The following IGSF3 variants were observed in gnomAD, a reference collection of about 807,000 sequenced individuals.
IGSF3 encodes glu-Trp-Ile EWI motif-containing protein 3.
In IGSF3, 23 loss-of-function variants were observed where a neutral mutation model predicts 114.4. That is an observed-to-expected ratio of 0.20 (90% CI 0.14 to 0.28). The LOEUF is 0.28. Among genes scored for constraint, IGSF3 ranks in the 10% least tolerant of loss-of-function variants. The probability of loss-of-function intolerance (pLI) is 1.00; values close to 1 mark genes in which losing one functional copy is unlikely to be tolerated. For synonymous variants in IGSF3, 571 were observed against 645.2 expected (o/e 0.88, Z 1.74); for missense variants, 1,172 against 1,591.5 (o/e 0.74, Z 4.48).
intron 2 of IGSF3, 21 bp downstream of exon 2, chr1:116,666,263 C>T (rs1240813656): frequency 2.5e-6 from 4 of 1,611,520 alleles, no homozygotes; most frequent in Non-Finnish European, 3.4e-6. Context: ...ATCGATTGCA[C>T]TGATAAGCAG....
At position 116,638,936 on chromosome 1, in the gene IGSF3, C is replaced by T. The variant is rs1647955736; in HGVS notation, c.44-22479G>A. On this transcript the variant is annotated intron_variant, in intron 2 of 10. Coordinates refer to ENST00000369486, the MANE Select transcript of IGSF3 (RefSeq NM_001007237.3). This position sits in a 1 kb window ranked among gnomAD's most constrained non-coding sequence, Gnocchi z 4.1. ...AGTCTGCATGCATGCTGAACCATTC[C>T]AGCTGCGCCACTGCCCAGGAAAAAA... 6.6e-6 allele frequency among the ~76,000 whole-genome samples: 1 copy of T among 152,172 alleles called. No homozygotes were observed. Among genetic ancestry groups the T allele is most frequent in the African/African-American group, 2.4e-5 (1 of 41,430 alleles).
rs527248637 is a variant in IGSF3 at position 116,649,475 on chromosome 1, T to C, written c.43+16809A>G. ...TTTCCTCATTACCTCAAAGCCATAG[T>C]GGCAAAAGGCAAACAGCATCTTCCT... On this transcript the variant is annotated intron_variant, in intron 2 of 10. Coordinates refer to ENST00000369486, the MANE Select transcript of IGSF3 (RefSeq NM_001007237.3). The surrounding 1 kb of genome is among the most constrained non-coding windows in gnomAD (Gnocchi z 4.5). 6.9e-3 allele frequency among the ~76,000 whole-genome samples: 1,051 copies of C among 152,350 alleles called. 13 individuals are homozygous for C. The highest frequency in any genetic ancestry group is 0.024 in the African/African-American group (986 of 41,582).
rs1253147745 is a variant in IGSF3 at position 116,651,539 on chromosome 1, G to A, written c.43+14745C>T. Among the ~76,000 whole-genome samples, 5 of 152,136 alleles carry A rather than the reference G, an allele frequency of 3.3e-5. No individual in the cohort carries two copies. The highest frequency in any genetic ancestry group is 7.3e-5 in the Non-Finnish European group (5 of 68,038). On this transcript the variant is annotated intron_variant, in intron 2 of 10. Transcript: ENST00000369486. This position sits in a 1 kb window ranked among gnomAD's most constrained non-coding sequence, Gnocchi z 4.4. ...AAATACCATAGCTAGCATTTCTTTG[G>A]CTAGAGAAAACTGTGTTAAATGCAG...
chr1:116,663,528 T>C (rs907663521), intron 2 of IGSF3, among the ~76,000 whole-genome samples: 1 of 150,984 alleles, frequency 6.6e-6, no homozygotes, highest in African/African-American at 2.4e-5. Context: ...ACAACCCTTA[T>C]TGGGTGAGGC....
At position 116,579,647 on chromosome 1, in the gene IGSF3, G is replaced by GGTC. The variant is rs531457319; in HGVS notation, c.3076_3078dup (p.Asp1026dup). 4.5e-4 allele frequency: 714 copies of GGTC among 1,595,810 alleles called. 2 individuals are homozygous for GGTC. The highest frequency in any genetic ancestry group is 2.9e-3 in the African/African-American group (219 of 74,590). On this transcript the variant is annotated inframe_insertion, in exon 10 of 11. Transcript: ENST00000369486. The surrounding 1 kb of genome is among the most constrained non-coding windows in gnomAD (Gnocchi z 6.4). ...CTCAGCAGGGCCGTCCGCTCTGTTG[G>GGTC]GTCGTCGTCGTCGTCGTCGTCCTCC...
In IGSF3 at chr1:116,647,360, G is replaced by A. The variant is rs1208574074; in HGVS notation, c.43+18924C>T. Among the ~76,000 whole-genome samples, 1 of 152,222 alleles carries A rather than the reference G, an allele frequency of 6.6e-6. No individual in the cohort carries two copies. Among genetic ancestry groups the A allele is most frequent in the Non-Finnish European group, 1.5e-5 (1 of 68,042 alleles). On this transcript the variant is annotated intron_variant, in intron 2 of 10. Transcript: ENST00000369486. This position sits in a 1 kb window ranked among gnomAD's most constrained non-coding sequence, Gnocchi z 4.6. ...GGTGACAATGGGGTCCAAAGGTCGT[G>A]CCTTTATGGCTCGCAACTATGTGCT...
intron 2 of IGSF3, among the ~76,000 whole-genome samples, chr1:116,660,267 C>T (rs925047574): frequency 2.6e-5 from 4 of 152,130 alleles, no homozygotes; most frequent in Non-Finnish European, 5.9e-5. Flanking sequence ...GAACACTCAG[C>T]CCATGTCCTC....
rs1440941034 is a variant in IGSF3, at chr1:116,579,484, T to A, written c.3242A>T (p.His1081Leu). The stretch of plus-strand genomic sequence containing the variant: ...AGGGCTGGGCAGCCACTCCTCCACA[T>A]GGCAGGAGTAATTGCCTGTATCTTG... ...SPQDTGNYSCHVEEWLPSPQK... is the reference protein window; with the variant it reads ...SPQDTGNYSCLVEEWLPSPQK... The change falls in exon 10 of 11, where the codon CAT (histidine) becomes CTT (leucine). Residue 1081 changes from histidine to leucine, a missense_variant. By Grantham distance (99) the His-to-Leu change is moderately conservative. This residue lies in a region of IGSF3 where 423 missense variants were observed against 509.8 expected (regional missense o/e 0.83). Transcript: ENST00000369486. This position sits in a 1 kb window ranked among gnomAD's most constrained non-coding sequence, Gnocchi z 6.4. 3 of 1,613,894 alleles carry A rather than the reference T, an allele frequency of 1.9e-6. No individual in the cohort carries two copies. The highest frequency in any genetic ancestry group is 1.3e-5 in the African/African-American group (1 of 74,966).
chr1:116,577,162 GTGAC>G lies in IGSF3; in HGVS notation c.*146_*149del. On this transcript the variant is annotated 3_prime_UTR_variant, in exon 11 of 11. Coordinates refer to ENST00000369486, the MANE Select transcript of IGSF3 (RefSeq NM_001007237.3). This position sits in a 1 kb window ranked among gnomAD's most constrained non-coding sequence, Gnocchi z 5.7. ...TGCCACCGAGAGGCAGTCTGTCTCT[GTGAC>G]TGACTGGGAACTTGGAACACTTTTC... The G allele has an allele frequency of 1.2e-6, 1 of 815,194 alleles. No individual in the cohort carries two copies. Among genetic ancestry groups the G allele is most frequent in the Non-Finnish European group, 1.9e-6 (1 of 533,254 alleles). The allele number at this position is 815,194 out of a possible 1,614,324, so 50.5% of individuals were successfully genotyped here. A position where few individuals can be genotyped will look rare whatever the true frequency, so the allele number is the denominator to read the frequency against.
rs184337107 is a variant in IGSF3, at chr1:116,589,595, G to A, written c.2030-491C>T. 2.9e-3 allele frequency among the ~76,000 whole-genome samples: 448 copies of A among 152,076 alleles called. 3 individuals carry two copies. The highest frequency in any genetic ancestry group is 0.01 in the African/African-American group (431 of 41,490). ...GCAGTTTCCCTGAGCCCTGGCCTTT[G>A]CCCTTGCTGTCCTCTCTGCCTGTCT... On this transcript the variant is annotated intron_variant, in intron 7 of 10. Transcript: ENST00000369486. The surrounding 1 kb of genome is among the most constrained non-coding windows in gnomAD (Gnocchi z 5.7).
intron 2 of IGSF3, among the ~76,000 whole-genome samples, chr1:116,645,194 T>C (rs1339619060): frequency 1.3e-5 from 2 of 152,252 alleles, no homozygotes; most frequent in Admixed American, 1.3e-4. Context: ...GTGAACTAGA[T>C]ATACACAAGA....
chr1:116,577,782 T>C lies in IGSF3; in HGVS notation c.3335-220A>G, dbSNP rs1659416314. ...ACGGCTGTATGTTCCAACAAAGCAA[T>C]GCTTCTGTTTTCCATTGAGAGCCAT... On this transcript the variant is annotated intron_variant, in intron 10 of 10. Transcript: ENST00000369486. This position sits in a 1 kb window ranked among gnomAD's most constrained non-coding sequence, Gnocchi z 5.7. Among the ~76,000 whole-genome samples the C allele has an allele frequency of 6.6e-6, 1 of 152,190 alleles. No individual in the cohort carries two copies. Among genetic ancestry groups the C allele is most frequent in the African/African-American group, 2.4e-5 (1 of 41,436 alleles).
rs369308031 is a variant in IGSF3 at position 116,598,033 on chromosome 1, C to T, written c.2029+1908G>A. ...TGTCTGCCTTTAGTAACACCATAAA[C>T]TAATCCAAATAATTAGAACCTTCAA... is the stretch of plus-strand genomic sequence containing the variant. On this transcript the variant is annotated intron_variant, in intron 7 of 10. Coordinates refer to ENST00000369486, the MANE Select transcript of IGSF3 (RefSeq NM_001007237.3). The surrounding 1 kb of genome is among the most constrained non-coding windows in gnomAD (Gnocchi z 4.3). Among the ~76,000 whole-genome samples the T allele has an allele frequency of 2.6e-5, 4 of 152,220 alleles. No individual in the cohort carries two copies. Among genetic ancestry groups the T allele is most frequent in the Non-Finnish European group, 5.9e-5 (4 of 68,040 alleles).
Position 116,650,839 on chromosome 1 carries a change from T to C in IGSF3, c.43+15445A>G, listed in dbSNP as rs182829390. Reference sequence around the variant, plus strand: ...TGCACAGAAAATGGAAAAAGAGCCATGAAATCCAAACAGATGCAAAAACGT... The same window carrying C: ...TGCACAGAAAATGGAAAAAGAGCCACGAAATCCAAACAGATGCAAAAACGT... On this transcript the variant is annotated intron_variant, in intron 2 of 10. Transcript: ENST00000369486. This position sits in a 1 kb window ranked among gnomAD's most constrained non-coding sequence, Gnocchi z 5.0. Among the ~76,000 whole-genome samples the C allele has an allele frequency of 6.6e-5, 10 of 152,332 alleles. No individual in the cohort carries two copies. Among genetic ancestry groups the C allele is most frequent in the African/African-American group, 2.2e-4 (9 of 41,578 alleles).
Position 116,644,592 on chromosome 1 carries a change from C to T in IGSF3, c.43+21692G>A, listed in dbSNP as rs1465885620. 6.6e-6 allele frequency among the ~76,000 whole-genome samples: 1 copy of T among 152,172 alleles called. No individual in the cohort carries two copies. Among genetic ancestry groups the T allele is most frequent in the Non-Finnish European group, 1.5e-5 (1 of 68,028 alleles). ...GGACTGTTCCAGTGTCCATGGGCTG[C>T]AAGTGGGTCCCACGTCACCCACAGG... is the stretch of plus-strand genomic sequence containing the variant. On this transcript the variant is annotated intron_variant, in intron 2 of 10. Transcript: ENST00000369486. This position sits in a 1 kb window ranked among gnomAD's most constrained non-coding sequence, Gnocchi z 5.6.
At position 116,576,849 on chromosome 1, in the gene IGSF3, T is replaced by G. The variant is rs1228795974; in HGVS notation, c.*463A>C. 2 of 155,784 alleles carry G rather than the reference T, an allele frequency of 1.3e-5. No individual in the cohort carries two copies. The highest frequency in any genetic ancestry group is 1.9e-4 in the East Asian group (1 of 5,232). The allele number at this position is 155,784 out of a possible 1,614,324, so 9.7% of individuals were successfully genotyped here. A position where few individuals can be genotyped will look rare whatever the true frequency, so the allele number is the denominator to read the frequency against. ...TTTTCAAATGTGCAAAAACAAAGTC[T>G]TGGAAGAGATTCCTTGTCACTAGAA... is the stretch of plus-strand genomic sequence containing the variant. On this transcript the variant is annotated 3_prime_UTR_variant, in exon 11 of 11. Coordinates refer to ENST00000369486, the MANE Select transcript of IGSF3 (RefSeq NM_001007237.3). This position sits in a 1 kb window ranked among gnomAD's most constrained non-coding sequence, Gnocchi z 4.6.
chr1:116,577,535 G>T lies in IGSF3; in HGVS notation c.3362C>A (p.Ser1121Tyr). 3 of 1,614,096 alleles carry T rather than the reference G, an allele frequency of 1.9e-6. No individual in the cohort carries two copies. The highest frequency in any genetic ancestry group is 2.5e-6 in the Non-Finnish European group (3 of 1,180,002). ...TSPTLQSIIC[S>Y]NDALFYFVFF... The stretch of plus-strand genomic sequence containing the variant: ...GACGAAGTAGAAGAGTGCGTCGTTG[G>T]AGCAGATGATGGACTGGAGGGTGGG... The change falls in exon 11 of 11, where the codon TCC (serine) becomes TAC (tyrosine). Residue 1121 changes from serine (S) to tyrosine (Y), a missense_variant. Physicochemically the swap from Ser to Tyr is moderately radical, Grantham distance 144. Around this residue, in one of 3 missense-constraint regions of IGSF3, gnomAD observed 423 missense variants for 509.8 expected, o/e 0.83. Transcript: ENST00000369486. This position sits in a 1 kb window ranked among gnomAD's most constrained non-coding sequence, Gnocchi z 5.7.
intron 4 of IGSF3, among the ~76,000 whole-genome samples, chr1:116,608,865 C>G (rs111598386): frequency 3.6e-4 from 55 of 152,224 alleles, no homozygotes; most frequent in Non-Finnish European, 7.1e-4. Context: ...CTCTCTACCC[C>G]CCGCCATGTG....
chr1:116,614,663 A>C lies in IGSF3; in HGVS notation c.422-488T>G, dbSNP rs1340549830. Among the ~76,000 whole-genome samples, 1 of 152,186 alleles carries C rather than the reference A, an allele frequency of 6.6e-6. No homozygotes were observed. Among genetic ancestry groups the C allele is most frequent in the Admixed American group, 6.5e-5 (1 of 15,276 alleles). Reference sequence around the variant, plus strand: ...ATCCTGTAACTTACTTCAGCAATGCAGCCCTAGGAAGATGATTTTTTTAAA... The same window carrying C: ...ATCCTGTAACTTACTTCAGCAATGCCGCCCTAGGAAGATGATTTTTTTAAA... On this transcript the variant is annotated intron_variant, in intron 3 of 10. Transcript: ENST00000369486. This position sits in a 1 kb window ranked among gnomAD's most constrained non-coding sequence, Gnocchi z 4.5.
Sources: allele counts gnomAD v4.1 joint callset (sites outside exome capture counted in the v4.1 genomes callset), GRCh38; gene constraint gnomAD v4.1.1; regional missense constraint gnomAD v4.1.1; non-coding constraint Gnocchi (gnomAD v3.1); transcripts MANE v1.5; gene names NCBI Gene and HGNC (gene_info 2026-07-23, HGNC 2026-07-21).